The following JAZF1 variants were observed in gnomAD, a reference collection of about 807,000 sequenced individuals.
The protein encoded by JAZF1 is JAZF zinc finger 1.
Under a neutral mutation model 26.4 loss-of-function variants are expected in JAZF1, and 8 were observed. That is an observed-to-expected ratio of 0.30 (90% CI 0.18 to 0.55). JAZF1 has a LOEUF of 0.55. JAZF1 is among the 20% of genes least tolerant of loss of function. The pLI, the probability that JAZF1 is intolerant of heterozygous loss-of-function variation, is 0.94. For missense variants in JAZF1, 199 were observed against 322.0 expected, an observed-to-expected ratio of 0.62 and a Z score of 2.92; for synonymous variants, 126 against 122.3, an observed-to-expected ratio of 1.03 and a Z score of -0.20.
intron 1 of JAZF1, among the ~76,000 whole-genome samples, chr7:28,058,475 C>G (rs929531050): frequency 1.3e-5 from 2 of 152,114 alleles, no homozygotes; most frequent in African/African-American, 2.4e-5. Flanking sequence ...TTCTACCCCC[C>G]AGTCTCCTAC....
chr7:27,907,827 G>A (rs1784288838), intron 2 of JAZF1, among the ~76,000 whole-genome samples: 1 of 152,072 alleles, frequency 6.6e-6, no homozygotes, highest in African/African-American at 2.4e-5. Flanking sequence ...TGCCCAAGAC[G>A]GCCACACGAA....
Position 27,883,629 on chromosome 7 carries a change from C to T in JAZF1, c.385+11591G>A, listed in dbSNP as rs985895339. 6.6e-5 allele frequency among the ~76,000 whole-genome samples: 10 copies of T among 151,904 alleles called. 1 individual carries two copies. In the East Asian group the frequency reaches 7.7e-4, roughly 12 times the overall value. ...GTGCTCAACATGGACTGAACCTGGG[C>T]GGCTTTAATTTTCTTTCTGGTAATA... On this transcript the variant is annotated intron_variant, in intron 3 of 4. Transcript: ENST00000283928.
At chr7:28,000,178 T>C (rs38523) in intron 1 of JAZF1, among the ~76,000 whole-genome samples, 72,550 of 152,046 alleles carry the variant, frequency 0.48, 18,432 homozygotes, top group African/African-American at 0.66. Context: ...GAGACACTTT[T>C]TAGAGATACT....
intron 2 of JAZF1, among the ~76,000 whole-genome samples, chr7:27,896,871 G>C (rs993409267): frequency 6.6e-6 from 1 of 152,198 alleles, no homozygotes. Flanking sequence ...TTTGCCTTGA[G>C]CTCTTAGGTT....
chr7:28,173,292 C>T (rs1783500544), intron 1 of JAZF1, among the ~76,000 whole-genome samples: 2 of 152,166 alleles, frequency 1.3e-5, no homozygotes. Flanking sequence ...ATAGGAAGTA[C>T]TGTCTTAAGC....
chr7:27,975,942 C>G (rs1785461491), intron 2 of JAZF1, among the ~76,000 whole-genome samples: 1 of 152,200 alleles, frequency 6.6e-6, no homozygotes, highest in African/African-American at 2.4e-5. Context: ...CAAGACTCAC[C>G]TCTCCTACCA....
chr7:27,864,133 C>A (rs1346871051), intron 3 of JAZF1: 1 of 152,210 alleles, frequency 6.6e-6, no homozygotes, highest in Non-Finnish European at 1.5e-5. Flanking sequence ...TAATGATGCA[C>A]AGAGGAGGCT....
At chr7:28,074,417 C>G (rs6965411) in intron 1 of JAZF1, among the ~76,000 whole-genome samples, 63,079 of 151,988 alleles carry the variant, frequency 0.42, 13,477 homozygotes, top group Admixed American at 0.56. Flanking sequence ...AGCAGAAATC[C>G]AAGCTAAAGA....
intron 4 of JAZF1, among the ~76,000 whole-genome samples, chr7:27,834,883 T>TGA (rs1301987661): frequency 6.6e-6 from 1 of 152,200 alleles, no homozygotes; most frequent in Non-Finnish European, 1.5e-5. Context: ...ATTGTGTGTG[T>TGA]GAGAGAGACA....
At chr7:27,895,134 A>C in intron 3 of JAZF1, 86 bp downstream of exon 3, 1 of 816,596 alleles carries the variant, frequency 1.2e-6, no homozygotes, top group East Asian at 3.0e-5. Flanking sequence ...ATCTGTCCCC[A>C]GCCCCTTTCT....
chr7:27,896,909 AAAG>A (rs934740039), intron 2 of JAZF1, among the ~76,000 whole-genome samples: 44 of 152,334 alleles, frequency 2.9e-4, no homozygotes, highest in African/African-American at 9.1e-4. Context: ...GATGATTTAA[AAAG>A]AAGAAAGGAA....
chr7:27,860,854 T>C (rs1783367119), intron 3 of JAZF1, among the ~76,000 whole-genome samples: 1 of 148,822 alleles, frequency 6.7e-6, no homozygotes, highest in Non-Finnish European at 1.5e-5. Context: ...ATCCCCACTT[T>C]CCTCTTTGCC....
At position 28,140,106 on chromosome 7, in the gene JAZF1, G is replaced by A. The variant is rs1242630513; in HGVS notation, c.115+40357C>T. Among the ~76,000 whole-genome samples, 12 of 148,172 alleles carry A rather than the reference G, an allele frequency of 8.1e-5. No homozygotes were observed. In the South Asian group the frequency reaches 1.3e-3, roughly 16 times the overall value. ...ATCTTTTTTTTTTTTTTTTTGAGAC[G>A]GAGTTTCACTCTGTCACCCAGGCTG... On this transcript the variant is annotated intron_variant, in intron 1 of 4. Transcript: ENST00000283928.
At chr7:28,088,194 C>T (rs1784238737) in intron 1 of JAZF1, among the ~76,000 whole-genome samples, 1 of 152,320 alleles carries the variant, frequency 6.6e-6, no homozygotes, top group South Asian at 2.1e-4. Context: ...GACAGTGGTG[C>T]AGGGACATGG....
chr7:28,158,182 C>CAG (rs1554292389), intron 1 of JAZF1, among the ~76,000 whole-genome samples: 2 of 105,102 alleles, frequency 1.9e-5, no homozygotes, highest in African/African-American at 9.2e-5. Flanking sequence ...CACACACACA[C>CAG]ACACAGAGAG....
chr7:27,981,537 C>T (rs1056108788), intron 2 of JAZF1, among the ~76,000 whole-genome samples: 1 of 152,018 alleles, frequency 6.6e-6, no homozygotes, highest in Non-Finnish European at 1.5e-5. Context: ...AGATGAATGA[C>T]TAAAGAGTAG....
chr7:27,903,124 C>A (rs577772988), intron 2 of JAZF1, among the ~76,000 whole-genome samples: 1 of 151,886 alleles, frequency 6.6e-6, no homozygotes, highest in East Asian at 1.9e-4. Flanking sequence ...TACTTTGGGG[C>A]ACGGAATATT....
chr7:28,143,745 C>T (rs1199989566), intron 1 of JAZF1, among the ~76,000 whole-genome samples: 1 of 152,216 alleles, frequency 6.6e-6, no homozygotes, highest in East Asian at 1.9e-4. Flanking sequence ...ATATTCTTTT[C>T]ATCAATGCAG....
intron 1 of JAZF1, among the ~76,000 whole-genome samples, chr7:28,162,565 A>G (rs540015211): frequency 2.2e-4 from 34 of 152,366 alleles, no homozygotes; most frequent in African/African-American, 7.9e-4. Flanking sequence ...CCTGTCAACA[A>G]GCTAAATGGT....
Sources: allele counts gnomAD v4.1 joint callset (sites outside exome capture counted in the v4.1 genomes callset), GRCh38; gene constraint gnomAD v4.1.1; transcripts MANE v1.5; gene names NCBI Gene and HGNC (gene_info 2026-07-23, HGNC 2026-07-21).